The following PRKN variants were observed in gnomAD, a reference collection of about 807,000 sequenced individuals.
PRKN encodes the protein E3 ubiquitin-protein ligase parkin.
A neutral mutation model predicts 59.5 loss-of-function variants in PRKN; 56 were observed. The ratio of observed to expected loss-of-function variants is 0.94; its 90% CI spans 0.76 to 1.18. The LOEUF (loss-of-function observed/expected upper bound fraction) is 1.18, where lower values mean the gene tolerates loss of function less well. PRKN is among the 50% of genes most tolerant of loss of function. The probability of loss-of-function intolerance (pLI) is 0.00; values close to 1 mark genes in which losing one functional copy is unlikely to be tolerated. For synonymous variants in PRKN, 250 were observed against 222.1 expected (o/e 1.13, Z -1.12); for missense variants, 657 against 596.4 (o/e 1.10, Z -1.06).
intron 9 of PRKN, among the ~76,000 whole-genome samples, chr6:161,387,530 C>G (rs1346405261): frequency 6.6e-6 from 1 of 152,160 alleles, no homozygotes; most frequent in African/African-American, 2.4e-5. Context: ...CTAATACACA[C>G]AGTAATGCAA....
At chr6:162,204,131 T>C (rs779267992) in intron 3 of PRKN, among the ~76,000 whole-genome samples, 8 of 152,230 alleles carry the variant, frequency 5.3e-5, no homozygotes, top group Non-Finnish European at 7.4e-5. Context: ...GTTTTTCATA[T>C]AAAACCATTT....
In PRKN at chr6:161,874,212, A is replaced by T. The variant is rs865851443; in HGVS notation, c.735-88304T>A. On this transcript the variant is annotated intron_variant, in intron 6 of 11. Coordinates refer to ENST00000366898, the MANE Select transcript of PRKN (RefSeq NM_004562.3). Reference sequence around the variant, plus strand: ...AATATATAATATATATTATATGTAAAATATAATATATATTATATATAATAT... The same window carrying T: ...AATATATAATATATATTATATGTAATATATAATATATATTATATATAATAT... Among the ~76,000 whole-genome samples the T allele has an allele frequency of 2.4e-3, 85 of 36,130 alleles. 2 individuals are homozygous for T. The highest frequency in any genetic ancestry group is 0.017 in the East Asian group (17 of 1,006). The allele number at this position is 36,130 out of a possible 152,430, so 23.7% of individuals were successfully genotyped here. A position where few individuals can be genotyped will look rare whatever the true frequency, so the allele number is the denominator to read the frequency against.
rs757263675 is a variant in PRKN at position 161,350,123 on chromosome 6, C to T, written c.1374G>A (p.Met458Ile). Residue 458 changes from methionine to isoleucine, a missense_variant, in exon 12 of 12, where the codon ATG (methionine) becomes ATA (isoleucine). Met to Ile is a conservative substitution (Grantham distance 10). Coordinates refer to ENST00000366898, the MANE Select transcript of PRKN (RefSeq NM_004562.3). ...GCTACACGTCGAACCAGTGGTCCCC[C>T]ATGCAGACGCGGTTCCACTCGCAGC... ...NCGCEWNRVC[M>I]GDHWFDV 3 of 1,613,522 alleles carry T rather than the reference C, an allele frequency of 1.9e-6. No individual in the cohort carries two copies. Among genetic ancestry groups the T allele is most frequent in the South Asian group, 2.2e-5 (2 of 91,078 alleles).
intron 5 of PRKN, among the ~76,000 whole-genome samples, chr6:161,988,505 A>G (rs1249794987): frequency 2.0e-5 from 3 of 151,926 alleles, no homozygotes; most frequent in African/African-American, 7.2e-5. Flanking sequence ...AAATAAAATA[A>G]AATAAAATAA....
intron 2 of PRKN, among the ~76,000 whole-genome samples, chr6:162,263,439 T>C (rs1281848200): frequency 6.6e-6 from 1 of 152,052 alleles, no homozygotes; most frequent in Non-Finnish European, 1.5e-5. Context: ...ATTACACTGG[T>C]GGGGAAGCAA....
At position 161,444,752 on chromosome 6, in the gene PRKN, T is replaced by C. The variant is rs1789407923; in HGVS notation, c.1084-57875A>G. Among the ~76,000 whole-genome samples, 1 of 152,256 alleles carries C rather than the reference T, an allele frequency of 6.6e-6. No individual in the cohort carries two copies. The highest frequency in any genetic ancestry group is 6.5e-5 in the Admixed American group (1 of 15,288). ...TTCCCCTTGATGAATGAAACGGCACTCTTGACATGCTGTACGGACAGAATC... is the reference window on the plus strand; with the variant it reads ...TTCCCCTTGATGAATGAAACGGCACCCTTGACATGCTGTACGGACAGAATC... On this transcript the variant is annotated intron_variant, in intron 9 of 11. Transcript: ENST00000366898. This position sits in a 1 kb window ranked among gnomAD's most constrained non-coding sequence, Gnocchi z 5.6.
At chr6:161,509,869 G>A (rs1296153314) in intron 9 of PRKN, among the ~76,000 whole-genome samples, 1 of 102,876 alleles carries the variant, frequency 9.7e-6, no homozygotes, top group Non-Finnish European at 1.7e-5. Context: ...GACAGAGTGA[G>A]ACTCCATCTC....
In PRKN at chr6:161,352,771, A is replaced by ATTTTTTTT. The variant is rs1554251152; in HGVS notation, c.1286-2561_1286-2560insAAAAAAAA. ...TGTGTGTGTGTATATATATATATATATTTTATTTTATTTTATTTTATTTTT... is the reference window on the plus strand; with the variant it reads ...TGTGTGTGTGTATATATATATATATATTTTTTTTTTTTATTTTATTTTATTTTATTTTT... On this transcript the variant is annotated intron_variant, in intron 11 of 11. Transcript: ENST00000366898. The surrounding 1 kb of genome is among the most constrained non-coding windows in gnomAD (Gnocchi z 5.8). Among the ~76,000 whole-genome samples the ATTTTTTTT allele has an allele frequency of 1.6e-4, 19 of 116,900 alleles. No homozygotes were observed. The highest frequency in any genetic ancestry group is 5.5e-4 in the African/African-American group (19 of 34,428). The allele number at this position is 116,900 out of a possible 152,430, so 76.7% of individuals were successfully genotyped here. A position where few individuals can be genotyped will look rare whatever the true frequency, so the allele number is the denominator to read the frequency against.
Position 161,546,760 on chromosome 6 carries a change from G to T in PRKN, c.1083+2094C>A, listed in dbSNP as rs1429202594. 1.3e-5 allele frequency among the ~76,000 whole-genome samples: 2 copies of T among 151,926 alleles called. No individual in the cohort carries two copies. Among genetic ancestry groups the T allele is most frequent in the East Asian group, 1.9e-4 (1 of 5,178 alleles). Reference sequence around the variant, plus strand: ...GTGAGAGTGACAGGTGCAGCTTTGGGGATTTGGTCCTACAAGGCACTGTAG... The same window carrying T: ...GTGAGAGTGACAGGTGCAGCTTTGGTGATTTGGTCCTACAAGGCACTGTAG... On this transcript the variant is annotated intron_variant, in intron 9 of 11. Coordinates refer to ENST00000366898, the MANE Select transcript of PRKN (RefSeq NM_004562.3). The surrounding 1 kb of genome is among the most constrained non-coding windows in gnomAD (Gnocchi z 4.4).
At chr6:162,089,029 C>T (rs979003403) in intron 4 of PRKN, among the ~76,000 whole-genome samples, 1 of 152,176 alleles carries the variant, frequency 6.6e-6, no homozygotes, top group African/African-American at 2.4e-5. Context: ...GCACCAAAAA[C>T]ATGAGCGAAC....
chr6:162,645,017 A>G (rs1778113797), intron 1 of PRKN, among the ~76,000 whole-genome samples: 1 of 152,204 alleles, frequency 6.6e-6, no homozygotes, highest in African/African-American at 2.4e-5. Context: ...ATTATTGAAT[A>G]CCATTTCAGT....
In PRKN at chr6:161,497,571, T is replaced by TCA. The variant is rs1362336180; in HGVS notation, c.1083+51282_1083+51283insTG. ...GCTTACATGTCTCTCTCTCTCTCTCTCTCTCTCACACACACACACACACAC... is the reference window on the plus strand; with the variant it reads ...GCTTACATGTCTCTCTCTCTCTCTCTCACTCTCTCACACACACACACACACAC... On this transcript the variant is annotated intron_variant, in intron 9 of 11. Coordinates refer to ENST00000366898, the MANE Select transcript of PRKN (RefSeq NM_004562.3). This position sits in a 1 kb window ranked among gnomAD's most constrained non-coding sequence, Gnocchi z 4.6. Among the ~76,000 whole-genome samples, 8 of 134,038 alleles carry TCA rather than the reference T, an allele frequency of 6.0e-5. No individual in the cohort carries two copies. The highest frequency in any genetic ancestry group is 2.4e-4 in the African/African-American group (8 of 32,736). The allele number at this position is 134,038 out of a possible 152,430, so 87.9% of individuals were successfully genotyped here. A position where few individuals can be genotyped will look rare whatever the true frequency, so the allele number is the denominator to read the frequency against.
At chr6:162,481,104 T>G (rs1240041118) in intron 1 of PRKN, among the ~76,000 whole-genome samples, 1 of 152,184 alleles carries the variant, frequency 6.6e-6, no homozygotes, top group Non-Finnish European at 1.5e-5. Context: ...ATTACAGGCA[T>G]GAGCCACTGC....
chr6:162,046,315 T>C (rs1485769679), intron 5 of PRKN, among the ~76,000 whole-genome samples: 1 of 152,222 alleles, frequency 6.6e-6, no homozygotes, highest in East Asian at 1.9e-4. Context: ...GAATATGTTG[T>C]AGTAATATGC....
At chr6:162,590,770 A>AAAAAACAAAAC in intron 1 of PRKN, among the ~76,000 whole-genome samples, 1 of 152,190 alleles carries the variant, frequency 6.6e-6, no homozygotes, top group Non-Finnish European at 1.5e-5. Context: ...TGAATTGGTG[A>AAAAAACAAAAC]AAAAACAAAA....
rs545671664 is a variant in PRKN, at chr6:161,586,881, T to C, written c.872-17465A>G. 8.5e-5 allele frequency among the ~76,000 whole-genome samples: 13 copies of C among 152,346 alleles called. No homozygotes were observed. In the East Asian group the frequency reaches 1.5e-3, roughly 18 times the overall value. ...AATCCAGAGCAACAACAACCAATTA[T>C]GAAGAAATGGTCTCTGTGGCTAGTA... On this transcript the variant is annotated intron_variant, in intron 7 of 11. Coordinates refer to ENST00000366898, the MANE Select transcript of PRKN (RefSeq NM_004562.3).
At chr6:161,948,434 A>G (rs1779862449) in intron 6 of PRKN, among the ~76,000 whole-genome samples, 1 of 152,232 alleles carries the variant, frequency 6.6e-6, no homozygotes, top group South Asian at 2.1e-4. Flanking sequence ...AGATGTGAAT[A>G]CAGTGAACAT....
intron 3 of PRKN, among the ~76,000 whole-genome samples, chr6:162,251,609 A>G (rs1356284079): frequency 6.6e-6 from 1 of 152,256 alleles, no homozygotes; most frequent in East Asian, 1.9e-4. Context: ...AATATTCGAA[A>G]TAAAAATAAG....
chr6:162,680,336 C>T (rs747154888), intron 1 of PRKN, among the ~76,000 whole-genome samples: 1 of 150,642 alleles, frequency 6.6e-6, no homozygotes, highest in African/African-American at 2.4e-5. Flanking sequence ...TTTATATGTA[C>T]TGTATGTGTG....
Sources: gnomAD v4.1 joint callset for allele counts (sites outside exome capture counted in the v4.1 genomes callset) on GRCh38, gnomAD v4.1.1 for gene constraint, Gnocchi (gnomAD v3.1) non-coding constraint, MANE v1.5 for transcripts, NCBI Gene and HGNC (gene_info 2026-07-23, HGNC 2026-07-21) for gene names.